ZFAND3: variants seen among roughly 807,000 people sequenced by gnomAD.
ZFAND3 encodes the protein zinc finger AN1-type containing 3, also known as AN1-type zinc finger protein 3.
Under a neutral mutation model 29.6 loss-of-function variants are expected in ZFAND3, and 10 were observed. The ratio of observed to expected loss-of-function variants is 0.34; its 90% CI spans 0.21 to 0.57. ZFAND3 has a LOEUF of 0.57. Among genes scored for constraint, ZFAND3 ranks in the 20% least tolerant of loss-of-function variants. The pLI, the probability that ZFAND3 is intolerant of heterozygous loss-of-function variation, is 0.86. For missense variants in ZFAND3, 230 were observed against 304.5 expected, an observed-to-expected ratio of 0.76 and a Z score of 1.82; for synonymous variants, 128 against 112.6, an observed-to-expected ratio of 1.14 and a Z score of -0.87.
chr6:38,142,269 G>A, intron 5 of ZFAND3: 1 of 471,544 alleles, frequency 2.1e-6, no homozygotes, highest in South Asian at 1.5e-5. Context: ...GTGTTTCTCT[G>A]GAGAGAGATG....
intron 1 of ZFAND3, among the ~76,000 whole-genome samples, chr6:37,836,524 T>G (rs554777193): frequency 2.0e-5 from 3 of 152,296 alleles, no homozygotes; most frequent in Admixed American, 6.5e-5. Flanking sequence ...AGATGATAAT[T>G]GAGACATCTC....
chr6:38,029,750 G>A (rs565400112), intron 2 of ZFAND3, among the ~76,000 whole-genome samples: 4 of 152,202 alleles, frequency 2.6e-5, no homozygotes, highest in Admixed American at 6.5e-5. Flanking sequence ...AATATGAAGC[G>A]TTGGTGAGGA....
chr6:38,146,086 C>T lies in ZFAND3; in HGVS notation c.530-6149C>T, dbSNP rs778871144. Among the ~76,000 whole-genome samples, 204 of 152,334 alleles carry T rather than the reference C, an allele frequency of 1.3e-3. 4 individuals carry two copies. Among genetic ancestry groups the T allele is most frequent in the Non-Finnish European group, 6.3e-4 (43 of 68,030 alleles). On this transcript the variant is annotated intron_variant, in intron 5 of 5. Transcript: ENST00000287218. ...CAAGCCACAGGCTTGGGCGGGGCCC[C>T]GGGATGACAGCCTTCGGTGGTTCAG...
At chr6:37,997,275 CT>C (rs1276442897) in intron 2 of ZFAND3, among the ~76,000 whole-genome samples, 1 of 152,176 alleles carries the variant, frequency 6.6e-6, no homozygotes, top group Non-Finnish European at 1.5e-5. Context: ...TATCAGTCTT[CT>C]TCTTCGGCAT....
intron 1 of ZFAND3, among the ~76,000 whole-genome samples, chr6:37,836,762 C>A (rs915690775): frequency 6.6e-6 from 1 of 152,196 alleles, no homozygotes; most frequent in East Asian, 1.9e-4. Flanking sequence ...ATTAACACTT[C>A]CAATAATATA....
intron 4 of ZFAND3, among the ~76,000 whole-genome samples, 200 bp downstream of exon 4, chr6:38,082,657 G>A (rs185279899): frequency 6.6e-6 from 1 of 152,046 alleles, no homozygotes; most frequent in Non-Finnish European, 1.5e-5. Flanking sequence ...CTGAGTAAAT[G>A]CAGCTAGATC....
intron 1 of ZFAND3, among the ~76,000 whole-genome samples, chr6:37,917,882 A>G (rs78850579): frequency 0.012 from 1,865 of 152,296 alleles, 17 homozygotes; most frequent in Middle Eastern, 0.041. Context: ...CAAATGAAAG[A>G]TGTTGAAGTA....
chr6:38,026,402 T>C (rs1289753316), intron 2 of ZFAND3, among the ~76,000 whole-genome samples: 1 of 151,066 alleles, frequency 6.6e-6, no homozygotes, highest in East Asian at 1.9e-4. Flanking sequence ...CTAGCATTTA[T>C]TATTTGTATT....
chr6:37,968,894 A>G lies in ZFAND3; in HGVS notation c.112+38895A>G, dbSNP rs184337205. ...TAATCTGCGAACATTATGAAGTCCT[A>G]CCCCTAAAATTCTTAAAGATATATT... On this transcript the variant is annotated intron_variant, in intron 2 of 5. Coordinates refer to ENST00000287218, the MANE Select transcript of ZFAND3 (RefSeq NM_021943.3). Among the ~76,000 whole-genome samples, 4 of 152,238 alleles carry G rather than the reference A, an allele frequency of 2.6e-5. No individual in the cohort carries two copies. The East Asian group carries it at 5.8e-4, about 22-fold the overall frequency.
At chr6:37,839,556 C>T (rs1290454240) in intron 1 of ZFAND3, among the ~76,000 whole-genome samples, 1 of 140,242 alleles carries the variant, frequency 7.1e-6, no homozygotes, top group Non-Finnish European at 1.5e-5. Context: ...CGCTCTGTCG[C>T]CAGGCTGGAG....
chr6:37,819,907 C>CACCGCT lies in ZFAND3; in HGVS notation c.-38_-33dup. The CACCGCT allele has an allele frequency of 8.4e-7, 1 of 1,193,608 alleles. No individual in the cohort carries two copies. The highest frequency in any genetic ancestry group is 1.0e-6 in the Non-Finnish European group (1 of 964,792). The allele number at this position is 1,193,608 out of a possible 1,614,324, so 73.9% of individuals were successfully genotyped here. Reference sequence around the variant, plus strand: ...AGCGGGGCCCGGGCCCAGCCGCCGCCACCGCTGCCGCCGCCGAGCTCCGCC... The same window carrying CACCGCT: ...AGCGGGGCCCGGGCCCAGCCGCCGCCACCGCTACCGCTGCCGCCGCCGAGCTCCGCC... On this transcript the variant is annotated 5_prime_UTR_variant, in exon 1 of 6. Transcript: ENST00000287218.
chr6:37,886,810 C>T (rs891012738), intron 1 of ZFAND3, among the ~76,000 whole-genome samples: 2 of 152,132 alleles, frequency 1.3e-5, no homozygotes, highest in Admixed American at 1.3e-4. Context: ...GGTTGGCCAA[C>T]ATGGCAAAAC....
chr6:37,933,358 G>A (rs1005804740), intron 2 of ZFAND3, among the ~76,000 whole-genome samples: 1 of 152,152 alleles, frequency 6.6e-6, no homozygotes, highest in South Asian at 2.1e-4. Context: ...GAGAGAATAC[G>A]TTGTAGGTTA....
intron 2 of ZFAND3, among the ~76,000 whole-genome samples, chr6:38,050,372 G>A (rs146945973): frequency 8.2e-4 from 124 of 152,138 alleles, no homozygotes; most frequent in African/African-American, 2.8e-3. Flanking sequence ...AGCCTTTCTA[G>A]TAGCCAGGTG....
chr6:38,089,206 T>G (rs1764817265), intron 4 of ZFAND3, among the ~76,000 whole-genome samples: 1 of 152,062 alleles, frequency 6.6e-6, no homozygotes, highest in African/African-American at 2.4e-5. Context: ...CACTGCAACC[T>G]CTGTCTCCCG....
intron 2 of ZFAND3, among the ~76,000 whole-genome samples, chr6:38,058,757 A>T (rs1203358279): frequency 6.6e-6 from 1 of 152,212 alleles, no homozygotes; most frequent in Admixed American, 6.5e-5. Context: ...GTTAACTTAG[A>T]AAAAATTACC....
At chr6:38,050,538 T>C (rs186094314) in intron 2 of ZFAND3, among the ~76,000 whole-genome samples, 16 of 152,260 alleles carry the variant, frequency 1.1e-4, no homozygotes, top group African/African-American at 3.4e-4. Flanking sequence ...CTGATGGTTT[T>C]ATAAGGAACT....
intron 4 of ZFAND3, among the ~76,000 whole-genome samples, chr6:38,090,075 A>T (rs1364913220): frequency 1.3e-5 from 2 of 152,016 alleles, no homozygotes; most frequent in African/African-American, 4.8e-5. Context: ...CTGGTCTCGA[A>T]CTCCTGACCT....
chr6:38,123,459 T>C (rs1020620554), intron 5 of ZFAND3, among the ~76,000 whole-genome samples: 1 of 152,208 alleles, frequency 6.6e-6, no homozygotes, highest in Non-Finnish European at 1.5e-5. Flanking sequence ...TATGTTCTTA[T>C]AAAAAGCCTT....
Sources: gnomAD v4.1 joint callset for allele counts (sites outside exome capture counted in the v4.1 genomes callset) on GRCh38, gnomAD v4.1.1 for gene constraint, MANE v1.5 for transcripts, NCBI Gene and HGNC (gene_info 2026-07-23, HGNC 2026-07-21) for gene names.